USP24: variants seen among roughly 807,000 people sequenced by gnomAD.
USP24 encodes ubiquitin carboxyl-terminal hydrolase 24.
Under a neutral mutation model 361.6 loss-of-function variants are expected in USP24, and 97 were observed. That is an observed-to-expected ratio of 0.27 (90% CI 0.23 to 0.32). The LOEUF (loss-of-function observed/expected upper bound fraction) is 0.32. Among genes scored for constraint, USP24 ranks in the 10% least tolerant of loss-of-function variants. USP24 has a pLI of 1.00. For synonymous variants in USP24, 1,098 were observed against 1,124.6 expected (o/e 0.98, Z 0.47); for missense variants, 2,353 against 3,165.6 (o/e 0.74, Z 6.16).
intron 30 of USP24, among the ~76,000 whole-genome samples, chr1:55,132,958 A>C (rs1229803269): frequency 6.6e-6 from 1 of 152,220 alleles, no homozygotes; most frequent in Non-Finnish European, 1.5e-5. Context: ...GCAACACCTG[A>C]GAAGGTCATT....
intron 1 of USP24, among the ~76,000 whole-genome samples, chr1:55,201,932 T>C (rs1371231816): frequency 1.3e-5 from 2 of 152,132 alleles, no homozygotes; most frequent in African/African-American, 2.4e-5. Context: ...ATCTATTTTG[T>C]AGTGAAAGGA....
At chr1:55,139,843 A>T (rs920959012) in intron 24 of USP24, among the ~76,000 whole-genome samples, 1 of 152,216 alleles carries the variant, frequency 6.6e-6, no homozygotes, top group African/African-American at 2.4e-5. Flanking sequence ...GTTCTAAATT[A>T]TTCCAGTCTA....
chr1:55,183,290 T>G (rs1414329896), intron 1 of USP24, among the ~76,000 whole-genome samples: 1 of 152,224 alleles, frequency 6.6e-6, no homozygotes, highest in Non-Finnish European at 1.5e-5. Context: ...GCATGGTGTC[T>G]GTAATTCATT....
At chr1:55,176,561 C>T in intron 2 of USP24, 118 bp from the exon 3 acceptor site, 1 of 901,848 alleles carries the variant, frequency 1.1e-6, no homozygotes, top group South Asian at 1.7e-5. Flanking sequence ...AAATCATATA[C>T]ATCATTCTAA....
At chr1:55,184,964 T>TG (rs2100850802) in intron 1 of USP24, among the ~76,000 whole-genome samples, 2 of 150,284 alleles carry the variant, frequency 1.3e-5, no homozygotes, top group African/African-American at 5.0e-5. Context: ...TTTTTATTTT[T>TG]ATTTTTTTTT....
intron 17 of USP24, 118 bp downstream of exon 17, chr1:55,148,345 G>GA (rs1647090955): frequency 1.6e-6 from 1 of 634,420 alleles, no homozygotes; most frequent in African/African-American, 2.2e-5. Context: ...GATGATATAA[G>GA]TGAATTACAT....
chr1:55,126,854 C>A (rs552197371), intron 32 of USP24, among the ~76,000 whole-genome samples: 2 of 152,304 alleles, frequency 1.3e-5, no homozygotes, highest in East Asian at 1.9e-4. Context: ...ATGCTTTGAG[C>A]TGGTGTCCAT....
At position 55,081,487 on chromosome 1, in the gene USP24, G is replaced by A. The variant is rs532796548; in HGVS notation, c.6976-63C>T. On this transcript the variant is annotated intron_variant, in intron 58 of 67. Transcript: ENST00000294383. ...CGTCAGAAATAATATGAAGAGGAAGGGACAGGGTTTGCTGGTTCATAATAT... is the reference window on the plus strand; with the variant it reads ...CGTCAGAAATAATATGAAGAGGAAGAGACAGGGTTTGCTGGTTCATAATAT... 3.6e-5 allele frequency: 52 copies of A among 1,453,368 alleles called. 1 individual carries two copies. The East Asian group carries it at 1.2e-3, about 33-fold the overall frequency. 90.0% of individuals were successfully genotyped at this position (1,453,368 alleles called of 1,614,324 possible).
rs545769048 is a variant in USP24 at position 55,076,132 on chromosome 1, T to G, written c.7381-609A>C. On this transcript the variant is annotated intron_variant, in intron 62 of 67. Coordinates refer to ENST00000294383, the MANE Select transcript of USP24 (RefSeq NM_015306.3). ...TATCAACTAGATCTATAGTTCTCTG[T>G]GGGTTATGAGGACATATACTTTATG... Among the ~76,000 whole-genome samples, 3 of 152,376 alleles carry G rather than the reference T, an allele frequency of 2.0e-5. No homozygotes were observed. In the East Asian group the frequency reaches 5.8e-4, roughly 29 times the overall value.
intron 52 of USP24, chr1:55,093,685 A>C: frequency 2.9e-6 from 1 of 346,906 alleles, no homozygotes; most frequent in African/African-American, 2.1e-5. Context: ...GTGACATTTC[A>C]CACTCACAGA....
chr1:55,155,089 C>T (rs1388092142), intron 12 of USP24, among the ~76,000 whole-genome samples: 1 of 151,652 alleles, frequency 6.6e-6, no homozygotes, highest in Non-Finnish European at 1.5e-5. Flanking sequence ...ATATTTTCAA[C>T]TGCTGAAAGA....
At chr1:55,184,959 A>AT (rs1349566889) in intron 1 of USP24, among the ~76,000 whole-genome samples, 3 of 150,400 alleles carry the variant, frequency 2.0e-5, no homozygotes, top group East Asian at 3.9e-4. Context: ...TGGGATTTTT[A>AT]TTTTTATTTT....
At chr1:55,075,634 A>G in intron 62 of USP24, 111 bp from the exon 63 acceptor site, 1 of 457,246 alleles carries the variant, frequency 2.2e-6, no homozygotes, top group East Asian at 3.3e-5. Flanking sequence ...TGACAACAAC[A>G]ACAACAACAA....
rs142596945 is a variant in USP24 at position 55,094,264 on chromosome 1, T to C, written c.6204-177A>G. Among the ~76,000 whole-genome samples the C allele has an allele frequency of 3.0e-3, 462 of 152,288 alleles. 5 individuals carry two copies. The highest frequency in any genetic ancestry group is 0.01 in the African/African-American group (423 of 41,550). ...AATCATAATGTAACAATTAAGAAATTAAAAATGCAATACTTTCTAATTAGT... is the reference window on the plus strand; with the variant it reads ...AATCATAATGTAACAATTAAGAAATCAAAAATGCAATACTTTCTAATTAGT... On this transcript the variant is annotated intron_variant, in intron 51 of 67. Coordinates refer to ENST00000294383, the MANE Select transcript of USP24 (RefSeq NM_015306.3).
intron 61 of USP24, among the ~76,000 whole-genome samples, chr1:55,077,533 A>T (rs952061281): frequency 3.3e-5 from 5 of 152,188 alleles, no homozygotes; most frequent in Non-Finnish European, 7.3e-5. Flanking sequence ...TAGGAAGGAG[A>T]AAAGAAAAGA....
intron 41 of USP24, among the ~76,000 whole-genome samples, chr1:55,105,051 T>C (rs1376357940): frequency 1.3e-5 from 2 of 152,198 alleles, no homozygotes; most frequent in African/African-American, 4.8e-5. Context: ...ATGAAACAAA[T>C]GTTTCCTTTT....
intron 38 of USP24, among the ~76,000 whole-genome samples, chr1:55,115,223 T>TA (rs1557582333): frequency 6.6e-6 from 1 of 151,838 alleles, no homozygotes; most frequent in African/African-American, 2.4e-5. Context: ...TGGCGATCAT[T>TA]AAAAAGGAAA....
At chr1:55,094,637 A>G (rs1645453970) in intron 51 of USP24, among the ~76,000 whole-genome samples, 1 of 150,556 alleles carries the variant, frequency 6.6e-6, no homozygotes. Context: ...ACATTCTGAC[A>G]GTGTTGGCAT....
intron 60 of USP24, 134 bp downstream of exon 60, chr1:55,079,404 T>C: frequency 7.9e-7 from 1 of 1,259,960 alleles, no homozygotes. Context: ...TTATTTCTTT[T>C]TGACATATAA....
Sources: allele counts gnomAD v4.1 joint callset (sites outside exome capture counted in the v4.1 genomes callset), GRCh38; gene constraint gnomAD v4.1.1; transcripts MANE v1.5; gene names NCBI Gene and HGNC (gene_info 2026-07-23, HGNC 2026-07-21).